Variants in SH3RF1 observed in about 807,000 individuals in gnomAD.
SH3RF1 encodes the protein SH3 domain containing ring finger 1, also known as E3 ubiquitin-protein ligase SH3RF1.
A neutral mutation model predicts 74.0 loss-of-function variants in SH3RF1; 32 were observed. That is an observed-to-expected ratio of 0.43 (90% CI 0.33 to 0.58). The LOEUF (loss-of-function observed/expected upper bound fraction) is 0.58. Ranked by LOEUF, SH3RF1 falls within the 20% of genes least tolerant of loss-of-function variation. SH3RF1 has a pLI of 0.05. For missense variants in SH3RF1, 954 were observed against 1,130.9 expected (o/e 0.84, Z 2.24); for synonymous variants, 396 against 439.6 (o/e 0.90, Z 1.24).
At chr4:169,224,139 C>A (rs1730615888) in intron 2 of SH3RF1, among the ~76,000 whole-genome samples, 1 of 152,158 alleles carries the variant, frequency 6.6e-6, no homozygotes, top group South Asian at 2.1e-4. Flanking sequence ...AATTTCTAAA[C>A]ACTCCTATGA....
intron 2 of SH3RF1, among the ~76,000 whole-genome samples, chr4:169,223,340 G>C (rs1730599069): frequency 6.6e-6 from 1 of 152,164 alleles, no homozygotes; most frequent in Admixed American, 6.5e-5. Context: ...TTCTATGAGA[G>C]TTCTGAGGCA....
chr4:169,166,161 T>C (rs1217446973), intron 2 of SH3RF1: 1 of 149,624 alleles, frequency 6.7e-6, no homozygotes, highest in East Asian at 1.9e-4. Flanking sequence ...AAACCACAGA[T>C]TGGGAAATAT....
intron 2 of SH3RF1, among the ~76,000 whole-genome samples, chr4:169,192,863 GAT>G (rs570960034): frequency 2.1e-5 from 3 of 145,196 alleles, no homozygotes; most frequent in Non-Finnish European, 4.5e-5. Context: ...ATATAGATGT[GAT>G]ATATATATCA....
chr4:169,199,061 T>C (rs898609532), intron 2 of SH3RF1, among the ~76,000 whole-genome samples: 1 of 152,122 alleles, frequency 6.6e-6, no homozygotes, highest in East Asian at 1.9e-4. Context: ...ATTGGTAAAA[T>C]AGTGGCAAAC....
intron 2 of SH3RF1, among the ~76,000 whole-genome samples, chr4:169,197,836 A>G (rs1401722094): frequency 6.6e-6 from 1 of 152,098 alleles, no homozygotes; most frequent in East Asian, 1.9e-4. Context: ...ATAATATTAT[A>G]TTATATCCCT....
At position 169,154,534 on chromosome 4, in the gene SH3RF1, TC is replaced by T. The variant is rs1290108605; in HGVS notation, c.765+945del. 2.6e-5 allele frequency among the ~76,000 whole-genome samples: 4 copies of T among 152,298 alleles called. 1 individual carries two copies. Among genetic ancestry groups the T allele is most frequent in the African/African-American group, 9.6e-5 (4 of 41,572 alleles). ...TTTAAACAACCAGATTACTTTCAAT[TC>T]CCCAAATAATCTTGTGCTCTCTCTT... is the stretch of plus-strand genomic sequence containing the variant. On this transcript the variant is annotated intron_variant, in intron 4 of 11. Coordinates refer to ENST00000284637, the MANE Select transcript of SH3RF1 (RefSeq NM_020870.4).
At chr4:169,260,483 T>C (rs561816696) in intron 2 of SH3RF1, among the ~76,000 whole-genome samples, 2 of 152,162 alleles carry the variant, frequency 1.3e-5, no homozygotes, top group South Asian at 2.1e-4. Context: ...ACAGGTTCTA[T>C]AGCAGCTGAT....
At chr4:169,219,153 A>C (rs973487097) in intron 2 of SH3RF1, among the ~76,000 whole-genome samples, 1 of 152,198 alleles carries the variant, frequency 6.6e-6, no homozygotes, top group African/African-American at 2.4e-5. Context: ...CGCAAGCATA[A>C]GAACAGTGGA....
intron 4 of SH3RF1, among the ~76,000 whole-genome samples, chr4:169,152,815 G>A (rs959374477): frequency 1.3e-5 from 2 of 152,120 alleles, no homozygotes; most frequent in Non-Finnish European, 2.9e-5. Context: ...AGTGCACGTG[G>A]AGATCACAGT....
chr4:169,170,400 T>C (rs1734306230), intron 2 of SH3RF1, among the ~76,000 whole-genome samples: 1 of 152,258 alleles, frequency 6.6e-6, no homozygotes, highest in South Asian at 2.1e-4. Context: ...ATGCTAGCTG[T>C]ATTCCTACTA....
intron 4 of SH3RF1, 130 bp from the exon 5 acceptor site, chr4:169,136,750 G>A (rs1733710113): frequency 1.2e-6 from 1 of 824,432 alleles, no homozygotes; most frequent in Middle Eastern, 2.9e-4. Flanking sequence ...TGCAGTGTCT[G>A]TTTTTCCCAT....
At chr4:169,256,516 T>C (rs1451926183) in intron 2 of SH3RF1, among the ~76,000 whole-genome samples, 8 of 152,152 alleles carry the variant, frequency 5.3e-5, no homozygotes, top group African/African-American at 1.9e-4. Context: ...CAGAACGAAA[T>C]GTTCTATGGT....
intron 2 of SH3RF1, among the ~76,000 whole-genome samples, chr4:169,247,982 G>C (rs1009225008): frequency 1.2e-4 from 19 of 152,174 alleles, no homozygotes; most frequent in African/African-American, 3.6e-4. Flanking sequence ...AAAAAGTCTG[G>C]AAACCACAGA....
intron 2 of SH3RF1, among the ~76,000 whole-genome samples, chr4:169,252,831 A>T (rs534344714): frequency 1.3e-4 from 20 of 152,296 alleles, no homozygotes; most frequent in African/African-American, 4.8e-4. Flanking sequence ...TGTTAAATAA[A>T]TCCTAAACTG....
At chr4:169,176,447 T>C (rs769666441) in intron 2 of SH3RF1, among the ~76,000 whole-genome samples, 4 of 152,268 alleles carry the variant, frequency 2.6e-5, no homozygotes, top group Non-Finnish European at 4.4e-5. Context: ...AATATTTTCA[T>C]GGGTGATCAA....
In SH3RF1 at chr4:169,136,406, C is replaced by A; in HGVS notation, c.980G>T (p.Ser327Ile). The change falls in exon 5 of 12, where the codon AGC becomes ATC. Residue 327 changes from serine to isoleucine, a missense_variant. Coordinates refer to ENST00000284637, the MANE Select transcript of SH3RF1 (RefSeq NM_020870.4). ...ASQNRHSMEISPPVLISSSNP... is the reference protein window; with the variant it reads ...ASQNRHSMEIIPPVLISSSNP... ...GCTGGAGCTGATGAGGACAGGGGGG[C>A]TGATCTCCATGGAGTGGCGGTTCTG... 6.2e-7 allele frequency: 1 copy of A among 1,605,794 alleles called. No homozygotes were observed. The highest frequency in any genetic ancestry group is 8.5e-7 in the Non-Finnish European group (1 of 1,176,146).
At chr4:169,186,650 T>C (rs538525047) in intron 2 of SH3RF1, among the ~76,000 whole-genome samples, 44 of 150,026 alleles carry the variant, frequency 2.9e-4, no homozygotes, top group Non-Finnish European at 5.4e-4. Context: ...AAAGGAGAGA[T>C]TCCCATCATA....
At chr4:169,174,126 C>T (rs886669885) in intron 2 of SH3RF1, among the ~76,000 whole-genome samples, 1 of 152,036 alleles carries the variant, frequency 6.6e-6, no homozygotes, top group African/African-American at 2.4e-5. Context: ...TGCAGTGGCG[C>T]AATCATGGCT....
chr4:169,156,735 T>C, intron 2 of SH3RF1, 56 bp from the exon 3 acceptor site: 2 of 1,478,126 alleles, frequency 1.4e-6, no homozygotes, highest in Non-Finnish European at 1.8e-6. Context: ...AAAATGTCTC[T>C]GAAAATACAA....
Sources: gnomAD v4.1 joint callset for allele counts (sites outside exome capture counted in the v4.1 genomes callset) on GRCh38, gnomAD v4.1.1 for gene constraint, MANE v1.5 for transcripts, NCBI Gene and HGNC (gene_info 2026-07-23, HGNC 2026-07-21) for gene names.